Variants in AFF3 observed in about 807,000 individuals in gnomAD.
AFF3 encodes ALF transcription elongation factor 3, also known as AF4/FMR2 family member 3.
In AFF3, 32 loss-of-function variants were observed where a neutral mutation model predicts 129.7. The ratio of observed to expected loss-of-function variants is 0.25; its 90% CI spans 0.19 to 0.33. AFF3 has a LOEUF of 0.33. AFF3 is among the 10% of genes least tolerant of loss of function. The pLI is 1.00. For synonymous variants in AFF3, 644 were observed against 635.4 expected, an observed-to-expected ratio of 1.01 and a Z score of -0.20; for missense variants, 1,373 against 1,592.0, an observed-to-expected ratio of 0.86 and a Z score of 2.34.
chr2:99,659,317 T>C (rs1686026750), intron 12 of AFF3, among the ~76,000 whole-genome samples: 1 of 152,192 alleles, frequency 6.6e-6, no homozygotes, highest in South Asian at 2.1e-4. Flanking sequence ...CATGTGCCTG[T>C]CTAGCTACAA....
intron 11 of AFF3, among the ~76,000 whole-genome samples, chr2:99,678,680 GA>G (rs966982778): frequency 6.6e-6 from 1 of 152,222 alleles, no homozygotes; most frequent in African/African-American, 2.4e-5. Flanking sequence ...CCACCTACGT[GA>G]GATTTAAAGC....
chr2:100,021,124 C>G (rs571144168), intron 4 of AFF3, among the ~76,000 whole-genome samples: 1 of 152,274 alleles, frequency 6.6e-6, no homozygotes, highest in South Asian at 2.1e-4. Context: ...TTCCCAGACT[C>G]CCCTCACCAA....
At chr2:99,688,454 A>G (rs375226217) in intron 11 of AFF3, among the ~76,000 whole-genome samples, 1 of 152,240 alleles carries the variant, frequency 6.6e-6, no homozygotes, top group East Asian at 1.9e-4. Flanking sequence ...GTATCTGCAT[A>G]TCCACACATA....
chr2:99,941,741 C>T (rs915547354), intron 7 of AFF3, among the ~76,000 whole-genome samples: 4 of 152,296 alleles, frequency 2.6e-5, no homozygotes, highest in South Asian at 2.1e-4. Context: ...AATAGAGACA[C>T]GATGGCTGGA....
chr2:99,844,616 G>A (rs977444338), intron 7 of AFF3, among the ~76,000 whole-genome samples: 33 of 151,542 alleles, frequency 2.2e-4, no homozygotes, highest in African/African-American at 8.0e-4. Context: ...TGTATTTTTA[G>A]TAGAGATGAT....
chr2:99,898,167 T>C (rs1694104472), intron 7 of AFF3, among the ~76,000 whole-genome samples: 1 of 152,218 alleles, frequency 6.6e-6, no homozygotes, highest in Admixed American at 6.5e-5. Context: ...GAGTGGAAGA[T>C]GTCTGAGTGC....
intron 4 of AFF3, among the ~76,000 whole-genome samples, chr2:100,043,731 G>A (rs950362303): frequency 1.3e-5 from 2 of 152,070 alleles, no homozygotes; most frequent in African/African-American, 4.8e-5. Flanking sequence ...CTTTAATCAC[G>A]AGTTTTTAAA....
Position 99,591,299 on chromosome 2 carries a change from G to A in AFF3, c.2466+1896C>T, listed in dbSNP as rs569159752. Among the ~76,000 whole-genome samples, 88 of 152,198 alleles carry A rather than the reference G, an allele frequency of 5.8e-4. No individual in the cohort carries two copies. In the South Asian group the frequency reaches 0.013, roughly 22 times the overall value. ...CCTCCCAGGTTCAAGTGATTCTCCT[G>A]TCTCAGCTGCCTGAGTAGCTGGGAC... is the stretch of plus-strand genomic sequence containing the variant. On this transcript the variant is annotated intron_variant, in intron 15 of 24. Coordinates refer to ENST00000672756, the MANE Select transcript of AFF3 (RefSeq NM_001386135.1).
intron 8 of AFF3, among the ~76,000 whole-genome samples, chr2:99,795,888 T>G (rs1284550158): frequency 1.3e-5 from 2 of 152,150 alleles, no homozygotes; most frequent in Non-Finnish European, 2.9e-5. Context: ...TCTTCTAGAC[T>G]AGGTTTTTGA....
At chr2:99,897,025 G>GTTTACT (rs896340325) in intron 7 of AFF3, among the ~76,000 whole-genome samples, 5 of 152,038 alleles carry the variant, frequency 3.3e-5, no homozygotes, top group Admixed American at 3.3e-4. Flanking sequence ...TAAAGAAATG[G>GTTTACT]TTTACTTTTA....
intron 20 of AFF3, among the ~76,000 whole-genome samples, chr2:99,562,371 G>C (rs1396663234): frequency 6.6e-6 from 1 of 152,054 alleles, no homozygotes; most frequent in African/African-American, 2.4e-5. Context: ...TTACTGCTCA[G>C]ATTGGGTAAA....
intron 7 of AFF3, among the ~76,000 whole-genome samples, chr2:99,866,339 G>C (rs1691394687): frequency 6.6e-6 from 1 of 152,178 alleles, no homozygotes; most frequent in South Asian, 2.1e-4. Context: ...GTTTCCCATA[G>C]ACTCTCCAGG....
At chr2:99,965,950 G>T (rs761917266) in intron 7 of AFF3, among the ~76,000 whole-genome samples, 3 of 152,154 alleles carry the variant, frequency 2.0e-5, no homozygotes, top group Non-Finnish European at 4.4e-5. Context: ...CTCATGATGA[G>T]TAGAAATATA....
intron 13 of AFF3, among the ~76,000 whole-genome samples, chr2:99,614,679 A>T (rs914942145): frequency 1.2e-4 from 19 of 152,342 alleles, no homozygotes; most frequent in Middle Eastern, 3.4e-3. Context: ...TTAGTTTGGA[A>T]TTCCTGAGTT....
chr2:99,625,649 T>C (rs1453832074), intron 13 of AFF3, among the ~76,000 whole-genome samples: 1 of 152,188 alleles, frequency 6.6e-6, no homozygotes, highest in Non-Finnish European at 1.5e-5. Flanking sequence ...TAATTATAAT[T>C]AATCACAGAA....
chr2:99,838,720 T>TA (rs1689083617), intron 7 of AFF3, among the ~76,000 whole-genome samples: 1 of 152,176 alleles, frequency 6.6e-6, no homozygotes, highest in Non-Finnish European at 1.5e-5. Context: ...GCACCCCCAA[T>TA]AACTATTGGC....
chr2:99,768,870 C>T (rs559094955), intron 8 of AFF3, among the ~76,000 whole-genome samples: 155 of 152,334 alleles, frequency 1.0e-3, no homozygotes, highest in African/African-American at 3.5e-3. Context: ...GCCAGATGTA[C>T]TGGAGCACCA....
intron 7 of AFF3, among the ~76,000 whole-genome samples, chr2:99,845,991 C>A (rs1449125441): frequency 2.6e-5 from 4 of 151,842 alleles, no homozygotes; most frequent in Admixed American, 2.0e-4. Flanking sequence ...CACCATCACA[C>A]CCGGCTAATT....
Position 99,565,609 on chromosome 2 carries a change from T to G in AFF3, c.2997A>C (p.Gly999=). Residue 999 remains glycine, a synonymous_variant, in exon 20 of 25, where the codon GGA becomes GGC. Coordinates refer to ENST00000672756, the MANE Select transcript of AFF3 (RefSeq NM_001386135.1). The part of the protein sequence containing the change: ...HKADAMVEKF[G]KALNYAEAAL... ...CTGCTTCAGCATAGTTCAAAGCCTT[T>G]CCAAACTTTTCCACCTGATCAACAG... The G allele has an allele frequency of 6.2e-7, 1 of 1,614,038 alleles. No homozygotes were observed. The highest frequency in any genetic ancestry group is 8.5e-7 in the Non-Finnish European group (1 of 1,179,908).
Sources: allele counts gnomAD v4.1 joint callset (sites outside exome capture counted in the v4.1 genomes callset), GRCh38; gene constraint gnomAD v4.1.1; transcripts MANE v1.5; gene names NCBI Gene and HGNC (gene_info 2026-07-23, HGNC 2026-07-21).